PSD2: variants seen among roughly 807,000 people sequenced by gnomAD.
The protein encoded by PSD2 is PH and SEC7 domain-containing protein 2.
Under a neutral mutation model 69.8 loss-of-function variants are expected in PSD2, and 38 were observed. The ratio of observed to expected loss-of-function variants is 0.54; its 90% CI spans 0.42 to 0.71. The LOEUF (loss-of-function observed/expected upper bound fraction) is 0.71. Ranked by LOEUF, PSD2 falls within the 30% of genes least tolerant of loss-of-function variation. The probability of loss-of-function intolerance (pLI) is 0.00; values close to 1 mark genes in which losing one functional copy is unlikely to be tolerated. For synonymous variants in PSD2, 412 were observed against 423.0 expected (o/e 0.97, Z 0.32); for missense variants, 943 against 1,014.5 (o/e 0.93, Z 0.96).
chr5:139,825,887 G>T (rs1760404836), intron 7 of PSD2, among the ~76,000 whole-genome samples: 2 of 152,200 alleles, frequency 1.3e-5, no homozygotes, highest in Admixed American at 6.5e-5. Flanking sequence ...TCCCTGCAGA[G>T]AGAACACACT....
chr5:139,817,639 A>G, intron 5 of PSD2, 78 bp downstream of exon 5: 1 of 1,250,770 alleles, frequency 8.0e-7, no homozygotes, highest in South Asian at 1.2e-5. Context: ...CTCTACCATA[A>G]ACTTGCTGTA....
the PSD2 span, among the ~76,000 whole-genome samples, chr5:139,780,634 G>C: frequency 6.6e-6 from 1 of 152,108 alleles, no homozygotes. Context: ...AGTAAAGACG[G>C]GGTTTCACCA....
upstream of PSD2, among the ~76,000 whole-genome samples, chr5:139,792,998 A>C (rs1347064229): frequency 1.3e-5 from 2 of 148,284 alleles, no homozygotes; most frequent in African/African-American, 5.0e-5. Flanking sequence ...CCCAGGCTGG[A>C]ATGTAGTGGC....
chr5:139,840,078 C>T lies in PSD2; in HGVS notation c.2020C>T (p.Leu674=), dbSNP rs199554619. The part of the protein sequence containing the change: ...ENKLRQLTAE[L]AEHRCHPVER... ...TAAGTTGAGGCAGCTGACTGCGGAG[C>T]TGGCCGAACACAGGTGTCACCCAGT... Residue 674 remains leucine, a synonymous_variant, in exon 14 of 15, where the codon CTG becomes TTG. Coordinates refer to ENST00000274710, the MANE Select transcript of PSD2 (RefSeq NM_032289.4). The T allele has an allele frequency of 6.2e-7, 1 of 1,614,098 alleles. No homozygotes were observed. The highest frequency in any genetic ancestry group is 8.5e-7 in the Non-Finnish European group (1 of 1,180,034).
At chr5:139,807,315 G>A (rs1025115242) in intron 1 of PSD2, among the ~76,000 whole-genome samples, 2 of 152,198 alleles carry the variant, frequency 1.3e-5, no homozygotes, top group African/African-American at 4.8e-5. Flanking sequence ...TCAGGCAGCA[G>A]GCCAAAAGCC....
intron 5 of PSD2, among the ~76,000 whole-genome samples, chr5:139,819,393 C>T (rs1581724299): frequency 1.3e-5 from 2 of 152,202 alleles, no homozygotes; most frequent in African/African-American, 4.8e-5. Context: ...AACACTGCCC[C>T]CTCTTCAACA....
intron 1 of PSD2, among the ~76,000 whole-genome samples, chr5:139,801,879 CCT>C (rs1385480107): frequency 6.6e-6 from 1 of 152,244 alleles, no homozygotes; most frequent in Non-Finnish European, 1.5e-5. Flanking sequence ...TCTTGGGTCC[CCT>C]CTCTCTCTCC....
upstream of PSD2, among the ~76,000 whole-genome samples, chr5:139,794,394 G>A (rs764301424): frequency 2.8e-4 from 42 of 152,286 alleles, no homozygotes; most frequent in South Asian, 2.1e-3. Flanking sequence ...TCCTGCTGTT[G>A]CCCAGCTTGA....
At chr5:139,820,900 G>A (rs900129112) in intron 5 of PSD2, among the ~76,000 whole-genome samples, 1 of 151,892 alleles carries the variant, frequency 6.6e-6, no homozygotes, top group Admixed American at 6.6e-5. Flanking sequence ...GAGGAGCCTT[G>A]GTGCTATTCT....
chr5:139,768,989 T>C, the PSD2 span, among the ~76,000 whole-genome samples: 1 of 152,164 alleles, frequency 6.6e-6, no homozygotes, highest in Admixed American at 6.5e-5. Flanking sequence ...GCTATTGCCC[T>C]GAACAGGAGC....
At chr5:139,776,924 G>T in the PSD2 span, among the ~76,000 whole-genome samples, 1 of 152,194 alleles carries the variant, frequency 6.6e-6, no homozygotes, top group East Asian at 1.9e-4. Flanking sequence ...ATGTGATGGG[G>T]AGATAGCTGC....
intron 12 of PSD2, among the ~76,000 whole-genome samples, chr5:139,838,217 A>G (rs1185931478): frequency 6.6e-6 from 1 of 152,168 alleles, no homozygotes; most frequent in East Asian, 1.9e-4. Flanking sequence ...ATGAGCTTGC[A>G]AGGAGGCAGG....
chr5:139,768,362 A>G, the PSD2 span, among the ~76,000 whole-genome samples: 3 of 152,128 alleles, frequency 2.0e-5, no homozygotes, highest in Non-Finnish European at 4.4e-5. Flanking sequence ...GGGGGAGAGG[A>G]GGGCATAAAA....
chr5:139,805,292 A>G (rs1759777492), intron 1 of PSD2, among the ~76,000 whole-genome samples: 1 of 152,214 alleles, frequency 6.6e-6, no homozygotes, highest in African/African-American at 2.4e-5. Context: ...TTTCTTTGAC[A>G]ATCTAGCATT....
upstream of PSD2, among the ~76,000 whole-genome samples, chr5:139,795,620 C>T (rs1759498618): frequency 6.6e-6 from 1 of 151,906 alleles, no homozygotes; most frequent in Non-Finnish European, 1.5e-5. The surrounding 1 kb of genome is among the most constrained non-coding windows in gnomAD (Gnocchi z 4.5). Context: ...AGGTGGGCCG[C>T]GCTCTCCCCG....
At chr5:139,755,812 G>A in the PSD2 span, among the ~76,000 whole-genome samples, 1 of 152,098 alleles carries the variant, frequency 6.6e-6, no homozygotes, top group African/African-American at 2.4e-5. Flanking sequence ...TGACTAAATG[G>A]TGCTGTCTGT....
rs114632727 is a variant in PSD2, at chr5:139,836,749, G to A, written c.1404-62G>A. On this transcript the variant is annotated intron_variant, in intron 9 of 14. Coordinates refer to ENST00000274710, the MANE Select transcript of PSD2 (RefSeq NM_032289.4). ...CTGGAGAGGAGGCTGGTGGGGAAAG[G>A]CCATGACGATGCGGGGCCGAGGCCT... The A allele has an allele frequency of 3.1e-4, 457 of 1,481,180 alleles. No individual in the cohort carries two copies. In the African/African-American group the frequency reaches 5.3e-3, roughly 17 times the overall value. The allele number at this position is 1,481,180 out of a possible 1,614,324, so 91.8% of individuals were successfully genotyped here.
At chr5:139,797,767 A>G (rs756346996) in intron 1 of PSD2, among the ~76,000 whole-genome samples, 1 of 152,200 alleles carries the variant, frequency 6.6e-6, no homozygotes, top group African/African-American at 2.4e-5. Flanking sequence ...CTGTTTGTTC[A>G]AAGTCTCCTG....
At chr5:139,797,817 A>T (rs1281189753) in intron 1 of PSD2, among the ~76,000 whole-genome samples, 1 of 152,208 alleles carries the variant, frequency 6.6e-6, no homozygotes, top group Non-Finnish European at 1.5e-5. Context: ...CTTGGCCAGA[A>T]CTGTCTGATA....
Sources: allele counts gnomAD v4.1 joint callset (sites outside exome capture counted in the v4.1 genomes callset), GRCh38; gene constraint gnomAD v4.1.1; non-coding constraint Gnocchi (gnomAD v3.1); transcripts MANE v1.5; gene names NCBI Gene and HGNC (gene_info 2026-07-23, HGNC 2026-07-21).